CHIC1: variants seen among roughly 807,000 people sequenced by gnomAD.
CHIC1 encodes cysteine-rich hydrophobic domain-containing protein 1.
In CHIC1, 7 loss-of-function variants were observed where a neutral mutation model predicts 18.5. The observed-to-expected ratio is 0.38, with a 90% CI of 0.22 to 0.71. The LOEUF is 0.71. Ranked by LOEUF, CHIC1 falls within the 30% of genes least tolerant of loss-of-function variation. The pLI, the probability that CHIC1 is intolerant of heterozygous loss-of-function variation, is 0.49. For missense variants in CHIC1, 159 were observed against 176.9 expected, an observed-to-expected ratio of 0.90 and a Z score of 0.57; for synonymous variants, 77 against 73.5, an observed-to-expected ratio of 1.05 and a Z score of -0.25.
intron 3 of CHIC1, among the ~76,000 whole-genome samples, chrX:73,657,052 C>A (rs868441679): frequency 1.1e-5 from 1 of 88,544 alleles, no homozygotes; most frequent in Non-Finnish European, 2.3e-5. Context: ...ATTTTATATT[C>A]TTTTTTTAAT....
Position 73,624,092 on chromosome X carries a change from C to T in CHIC1, c.507+39520C>T, listed in dbSNP as rs145590641. Among the ~76,000 whole-genome samples the T allele has an allele frequency of 2.0e-3, 223 of 109,555 alleles. 1 individual carries two copies. The highest frequency in any genetic ancestry group is 6.9e-3 in the African/African-American group (209 of 30,163). Reference sequence around the variant, plus strand: ...TACTGGATCTTAAAAAATAGGGAATCAGCCCATTCCCCATGGGAGTCTTAT... The same window carrying T: ...TACTGGATCTTAAAAAATAGGGAATTAGCCCATTCCCCATGGGAGTCTTAT... On this transcript the variant is annotated intron_variant, in intron 3 of 5. Coordinates refer to ENST00000373502, the MANE Select transcript of CHIC1 (RefSeq NM_001039840.4).
chrX:73,624,133 G>A (rs779269074), intron 3 of CHIC1, among the ~76,000 whole-genome samples: 7 of 109,385 alleles, frequency 6.4e-5, no homozygotes, highest in Admixed American at 9.9e-5. Flanking sequence ...AGGTGGGGGT[G>A]GGGAAATTTC....
chrX:73,622,797 C>T (rs1428035109), intron 3 of CHIC1, among the ~76,000 whole-genome samples: 1 of 112,157 alleles, frequency 8.9e-6, no homozygotes, highest in African/African-American at 3.2e-5. Context: ...AATTTTACAT[C>T]TTTCCCGCTT....
At chrX:73,596,229 A>C (rs889532418) in intron 3 of CHIC1, among the ~76,000 whole-genome samples, 3 of 111,430 alleles carry the variant, frequency 2.7e-5, no homozygotes, top group African/African-American at 9.8e-5. Context: ...CCTATACACC[A>C]ATAATAGACA....
rs1431151743 is a variant in CHIC1, at chrX:73,563,478, A to C, written c.194A>C (p.Glu65Ala). The C allele has an allele frequency of 8.7e-7, 1 of 1,155,854 alleles. No homozygotes were observed. Among genetic ancestry groups the C allele is most frequent in the South Asian group, 2.1e-5 (1 of 47,672 alleles). The stretch of plus-strand genomic sequence containing the variant: ...GAGGAAGAAGAGGAGGAGGAGGAAG[A>C]GGAGGAGGAAGCGCCGCCCCCGCCT... The part of the protein sequence containing the change: ...EEEEEEEEEE[E>A]EEEAPPPPRV... The change falls in exon 1 of 6, where the codon GAG (glutamate) becomes GCG (alanine). Residue 65 changes from glutamate (E) to alanine (A), a missense_variant. Transcript: ENST00000373502.
At chrX:73,612,746 A>T (rs749461684) in intron 3 of CHIC1, among the ~76,000 whole-genome samples, 1 of 112,225 alleles carries the variant, frequency 8.9e-6, no homozygotes, top group Non-Finnish European at 1.9e-5. Flanking sequence ...ATCCTAGAGA[A>T]TGTTCCATGT....
intron 3 of CHIC1, among the ~76,000 whole-genome samples, chrX:73,661,383 G>A (rs1314148576): frequency 8.9e-6 from 1 of 111,977 alleles, no homozygotes; most frequent in African/African-American, 3.2e-5. Flanking sequence ...CTTGAAGGAG[G>A]GGACATGCCT....
rs1249909049 is a variant in CHIC1 at position 73,684,163 on chromosome X, A to G, written c.*3158A>G. The stretch of plus-strand genomic sequence containing the variant: ...TTTCCCCAATCATGATATATTAGTG[A>G]CAAAATATTACAGAACCGGACTATC... On this transcript the variant is annotated 3_prime_UTR_variant, in exon 6 of 6. Coordinates refer to ENST00000373502, the MANE Select transcript of CHIC1 (RefSeq NM_001039840.4). 4 of 111,134 alleles carry G rather than the reference A, an allele frequency of 3.6e-5. No individual in the cohort carries two copies. Among genetic ancestry groups the G allele is most frequent in the African/African-American group, 1.3e-4 (4 of 30,660 alleles). The allele number at this position is 111,134 out of a possible 1,213,427, so 9.2% of individuals were successfully genotyped here. A position where few individuals can be genotyped will look rare whatever the true frequency, so the allele number is the denominator to read the frequency against.
chrX:73,662,045 AAAAT>A (rs1230161874), intron 3 of CHIC1, among the ~76,000 whole-genome samples: 2 of 108,587 alleles, frequency 1.8e-5, no homozygotes, highest in Non-Finnish European at 3.8e-5. Flanking sequence ...TAATAATAAA[AAAAT>A]AAATAAAAAT....
intron 3 of CHIC1, among the ~76,000 whole-genome samples, chrX:73,587,142 G>A (rs1302898163): frequency 8.9e-6 from 1 of 111,883 alleles, no homozygotes; most frequent in Non-Finnish European, 1.9e-5. Flanking sequence ...AAAATAAAAT[G>A]GAAATAATAA....
At chrX:73,665,360 T>C (rs376718010) in intron 3 of CHIC1, among the ~76,000 whole-genome samples, 11 of 110,963 alleles carry the variant, frequency 9.9e-5, no homozygotes, top group Non-Finnish European at 1.9e-4. Context: ...CCATTGCCCT[T>C]GTACATGATG....
At chrX:73,654,818 A>ATG (rs2057934156) in intron 3 of CHIC1, among the ~76,000 whole-genome samples, 1 of 112,125 alleles carries the variant, frequency 8.9e-6, no homozygotes, top group Non-Finnish European at 1.9e-5. Flanking sequence ...CATATAGTTC[A>ATG]TAACAGTCTC....
chrX:73,597,857 G>A lies in CHIC1; in HGVS notation c.507+13285G>A, dbSNP rs181995319. On this transcript the variant is annotated intron_variant, in intron 3 of 5. Coordinates refer to ENST00000373502, the MANE Select transcript of CHIC1 (RefSeq NM_001039840.4). The stretch of plus-strand genomic sequence containing the variant: ...CATTGTTCAACTCCCATTTATGAGT[G>A]AGAACATGCAGTGTTTGGTTTTCTA... Among the ~76,000 whole-genome samples the A allele has an allele frequency of 9.0e-5, 10 of 110,517 alleles. No individual in the cohort carries two copies. In the East Asian group the frequency reaches 2.9e-3, roughly 32 times the overall value.
chrX:73,626,010 A>G (rs1437672198), intron 3 of CHIC1, among the ~76,000 whole-genome samples: 4 of 110,199 alleles, frequency 3.6e-5, no homozygotes, highest in African/African-American at 9.9e-5. Context: ...TCATCCCTTC[A>G]TGGTTCGCCA....
chrX:73,617,037 T>C (rs2057736356), intron 3 of CHIC1, among the ~76,000 whole-genome samples: 1 of 112,316 alleles, frequency 8.9e-6, no homozygotes, highest in South Asian at 3.7e-4. Context: ...TTCTGAACTT[T>C]TATGCTGTTT....
intron 3 of CHIC1, among the ~76,000 whole-genome samples, chrX:73,632,157 C>T (rs2057810021): frequency 8.9e-6 from 1 of 112,107 alleles, no homozygotes; most frequent in Non-Finnish European, 1.9e-5. Flanking sequence ...GTGCTCTGAA[C>T]TTGGGAGCAT....
At chrX:73,675,354 G>C (rs2058056227) in intron 3 of CHIC1, among the ~76,000 whole-genome samples, 1 of 111,394 alleles carries the variant, frequency 9.0e-6, no homozygotes, top group African/African-American at 3.3e-5. Context: ...CATTATTATT[G>C]TCTGGGAGTC....
intron 3 of CHIC1, among the ~76,000 whole-genome samples, chrX:73,663,667 T>A (rs1332522735): frequency 9.0e-6 from 1 of 110,569 alleles, no homozygotes; most frequent in Non-Finnish European, 1.9e-5. Flanking sequence ...GCCAGAAAAA[T>A]TTTTATTTCC....
At chrX:73,655,413 T>C (rs1422345698) in intron 3 of CHIC1, among the ~76,000 whole-genome samples, 1 of 95,130 alleles carries the variant, frequency 1.1e-5, no homozygotes, top group Admixed American at 1.2e-4. Context: ...ATATACAATA[T>C]TGTGTATATA....
Sources: allele counts gnomAD v4.1 joint callset (sites outside exome capture counted in the v4.1 genomes callset), GRCh38; gene constraint gnomAD v4.1.1; transcripts MANE v1.5; gene names NCBI Gene and HGNC (gene_info 2026-07-23, HGNC 2026-07-21).